CASR: variants seen among roughly 807,000 people sequenced by gnomAD.
CASR encodes calcium sensing receptor.
CASR carries 23 observed loss-of-function variants against 69.1 expected under a neutral mutation model. The observed-to-expected ratio is 0.33, with a 90% CI of 0.24 to 0.47. The LOEUF (loss-of-function observed/expected upper bound fraction) is 0.47. Ranked by LOEUF, CASR falls within the 20% of genes least tolerant of loss-of-function variation. The pLI is 1.00. For synonymous variants in CASR, 541 were observed against 544.7 expected (o/e 0.99, Z 0.10); for missense variants, 924 against 1,356.1 (o/e 0.68, Z 5.00).
chr3:122,280,734 C>A (rs1215498020), intron 5 of CASR, among the ~76,000 whole-genome samples: 1 of 152,148 alleles, frequency 6.6e-6, no homozygotes, highest in East Asian at 1.9e-4. Flanking sequence ...GTCATTTCTG[C>A]TAGAAACAAC....
In CASR at chr3:122,262,882, G is replaced by T. The variant is rs570086629; in HGVS notation, c.1377+470G>T. Among the ~76,000 whole-genome samples the T allele has an allele frequency of 3.3e-5, 5 of 152,274 alleles. No homozygotes were observed. The South Asian group carries it at 8.3e-4, about 25-fold the overall frequency. On this transcript the variant is annotated intron_variant, in intron 4 of 6. Transcript: ENST00000639785. Reference sequence around the variant, plus strand: ...ACAGCCTATACCAAGCCACCCAGCAGGTCAGCTAAGCACAGCTTAGGACAA... The same window carrying T: ...ACAGCCTATACCAAGCCACCCAGCATGTCAGCTAAGCACAGCTTAGGACAA...
chr3:122,272,370 T>C (rs1467222582), intron 4 of CASR, among the ~76,000 whole-genome samples: 1 of 152,206 alleles, frequency 6.6e-6, no homozygotes, highest in Non-Finnish European at 1.5e-5. Context: ...TGTTCTCTAG[T>C]ACATACATGA....
chr3:122,281,979 T>C, intron 5 of CASR, 134 bp from the exon 6 acceptor site: 2 of 1,289,912 alleles, frequency 1.6e-6, no homozygotes, highest in African/African-American at 2.9e-5. Context: ...TCCCTTTGCC[T>C]GGAATGGGCC....
intron 1 of CASR, among the ~76,000 whole-genome samples, chr3:122,195,853 C>T (rs2073884300): frequency 1.3e-5 from 2 of 152,194 alleles, no homozygotes; most frequent in Non-Finnish European, 2.9e-5. Flanking sequence ...TTCAATAGCT[C>T]TTTCATACCC....
At chr3:122,198,271 A>C (rs1418457951) in intron 1 of CASR, among the ~76,000 whole-genome samples, 1 of 152,220 alleles carries the variant, frequency 6.6e-6, no homozygotes, top group African/African-American at 2.4e-5. Flanking sequence ...ATGTTAAATA[A>C]GTACTTGAAA....
intron 1 of CASR, among the ~76,000 whole-genome samples, chr3:122,208,368 T>C (rs2074029602): frequency 6.6e-6 from 1 of 152,198 alleles, no homozygotes; most frequent in Non-Finnish European, 1.5e-5. Context: ...TATTTGTATG[T>C]AGATGTTAAG....
In CASR at chr3:122,189,361, A is replaced by G. The variant is rs187669624; in HGVS notation, c.-243+5549A>G. 3.9e-5 allele frequency among the ~76,000 whole-genome samples: 6 copies of G among 152,356 alleles called. No homozygotes were observed. The East Asian group carries it at 1.2e-3, about 29-fold the overall frequency. On this transcript the variant is annotated intron_variant, in intron 1 of 6. Coordinates refer to ENST00000639785, the MANE Select transcript of CASR (RefSeq NM_000388.4). ...ATGTGTGGCGTATGGTGGGTGCTTA[A>G]CTAGCTGATATCCTTTGGCTCAGTT...
intron 1 of CASR, among the ~76,000 whole-genome samples, chr3:122,227,628 C>T (rs569164808): frequency 2.6e-4 from 39 of 152,328 alleles, no homozygotes; most frequent in South Asian, 1.2e-3. Flanking sequence ...GCTCCCACAG[C>T]GCAGCAGTGA....
intron 1 of CASR, among the ~76,000 whole-genome samples, chr3:122,193,458 C>G (rs1328084175): frequency 2.0e-5 from 3 of 152,116 alleles, no homozygotes; most frequent in Non-Finnish European, 4.4e-5. Context: ...CTCAAGTGAT[C>G]CATCTGTCTT....
Position 122,285,663 on chromosome 3 carries a change from TCTC to T in CASR, c.*478_*480del, listed in dbSNP as rs1409497992. 5.5e-6 allele frequency: 1 copy of T among 182,128 alleles called. No homozygotes were observed. Among genetic ancestry groups the T allele is most frequent in the Non-Finnish European group, 1.2e-5 (1 of 84,516 alleles). 11.3% of individuals were successfully genotyped at this position (182,128 alleles called of 1,614,324 possible). A position where few individuals can be genotyped will look rare whatever the true frequency, so the allele number is the denominator to read the frequency against. On this transcript the variant is annotated 3_prime_UTR_variant, in exon 7 of 7. Transcript: ENST00000639785. ...ATGTTCACAACATAAGGAGAATGTA[TCTC>T]CTCCTATTTATGAAAACCATATGAT...
At chr3:122,197,987 A>G (rs967842535) in intron 1 of CASR, among the ~76,000 whole-genome samples, 1 of 152,202 alleles carries the variant, frequency 6.6e-6, no homozygotes, top group African/African-American at 2.4e-5. Context: ...GATCTTTTAA[A>G]AAATGTCTCA....
chr3:122,241,247 G>A (rs1382920891), intron 1 of CASR, among the ~76,000 whole-genome samples: 1 of 151,838 alleles, frequency 6.6e-6, no homozygotes, highest in Non-Finnish European at 1.5e-5. Context: ...AATGAAAAGC[G>A]GGTGTTTTGA....
intron 1 of CASR, among the ~76,000 whole-genome samples, chr3:122,192,369 G>A (rs1443636072): frequency 6.6e-6 from 1 of 152,146 alleles, no homozygotes; most frequent in Non-Finnish European, 1.5e-5. Flanking sequence ...GGTTCATACA[G>A]GTCTACACTT....
At chr3:122,211,599 T>C (rs1192239266) in intron 1 of CASR, among the ~76,000 whole-genome samples, 1 of 152,158 alleles carries the variant, frequency 6.6e-6, no homozygotes, top group Non-Finnish European at 1.5e-5. Context: ...TCCCAGCTGC[T>C]CAGGAGGCTG....
At chr3:122,201,145 C>T (rs979724542) in intron 1 of CASR, among the ~76,000 whole-genome samples, 3 of 152,058 alleles carry the variant, frequency 2.0e-5, no homozygotes, top group East Asian at 1.9e-4. Context: ...GAGGACCCTG[C>T]GGCCTTCCGC....
At chr3:122,222,415 A>G (rs1352333593) in intron 1 of CASR, among the ~76,000 whole-genome samples, 1 of 152,164 alleles carries the variant, frequency 6.6e-6, no homozygotes, top group Non-Finnish European at 1.5e-5. Context: ...AAAAATTCCT[A>G]TTTGGGGGTT....
intron 1 of CASR, among the ~76,000 whole-genome samples, chr3:122,227,313 G>A (rs546674878): frequency 2.0e-5 from 3 of 151,948 alleles, no homozygotes; most frequent in South Asian, 4.2e-4. Context: ...ATGGTGGGGG[G>A]TTGGGGTGGG....
At chr3:122,227,334 G>T (rs539205203) in intron 1 of CASR, among the ~76,000 whole-genome samples, 15 of 152,348 alleles carry the variant, frequency 9.8e-5, no homozygotes, top group African/African-American at 2.9e-4. Context: ...GAGGGCTCAG[G>T]CATGGCGGGC....
intron 1 of CASR, among the ~76,000 whole-genome samples, chr3:122,207,061 T>G (rs1202444587): frequency 6.6e-6 from 1 of 152,100 alleles, no homozygotes; most frequent in Non-Finnish European, 1.5e-5. Flanking sequence ...CTCAATTTCA[T>G]TTATATCTGC....
Sources: allele counts gnomAD v4.1 joint callset (sites outside exome capture counted in the v4.1 genomes callset), GRCh38; gene constraint gnomAD v4.1.1; transcripts MANE v1.5; gene names NCBI Gene and HGNC (gene_info 2026-07-23, HGNC 2026-07-21).